Variants in RTN1 observed in about 807,000 individuals in gnomAD.
The protein encoded by RTN1 is reticulon-1.
A neutral mutation model predicts 65.5 loss-of-function variants in RTN1; 25 were observed. That is an observed-to-expected ratio of 0.38 (90% CI 0.28 to 0.53). The LOEUF is 0.53. Ranked by LOEUF, RTN1 falls within the 20% of genes least tolerant of loss-of-function variation. RTN1 has a pLI of 0.79. For synonymous variants in RTN1, 471 were observed against 447.6 expected, an observed-to-expected ratio of 1.05 and a Z score of -0.66; for missense variants, 983 against 1,025.4, an observed-to-expected ratio of 0.96 and a Z score of 0.57.
At chr14:59,830,338 C>T (rs1055706912) in intron 1 of RTN1, among the ~76,000 whole-genome samples, 2 of 152,224 alleles carry the variant, frequency 1.3e-5, no homozygotes, top group African/African-American at 4.8e-5. Flanking sequence ...CAGCAAGCCA[C>T]AGTTAAACCA....
chr14:59,625,746 C>A (rs1882379184), intron 3 of RTN1, among the ~76,000 whole-genome samples: 1 of 152,072 alleles, frequency 6.6e-6, no homozygotes, highest in Non-Finnish European at 1.5e-5. Flanking sequence ...GTGCCTTCCT[C>A]ATTTTTAGAA....
intron 1 of RTN1, among the ~76,000 whole-genome samples, chr14:59,770,686 A>G (rs1885939204): frequency 6.6e-6 from 1 of 152,228 alleles, no homozygotes; most frequent in African/African-American, 2.4e-5. Flanking sequence ...GTATTCAAAA[A>G]TGAAAATAAA....
chr14:59,740,878 A>G (rs1368619271), intron 2 of RTN1, among the ~76,000 whole-genome samples: 1 of 152,226 alleles, frequency 6.6e-6, no homozygotes, highest in East Asian at 1.9e-4. Context: ...TGACACTGCA[A>G]AGCTAGAAAG....
At chr14:59,667,638 G>A (rs966510045) in intron 3 of RTN1, among the ~76,000 whole-genome samples, 1 of 152,072 alleles carries the variant, frequency 6.6e-6, no homozygotes, top group Non-Finnish European at 1.5e-5. Flanking sequence ...ATAAATAAAC[G>A]GTATTCAATT....
rs1020564457 is a variant in RTN1, at chr14:59,746,329, C to T, written c.394G>A (p.Gly132Ser). Residue 132 changes from glycine to serine, a missense_variant, in exon 2 of 9, where the codon GGC becomes AGC. By Grantham distance (56) the Gly-to-Ser change is moderately conservative. Transcript: ENST00000267484. The stretch of plus-strand genomic sequence containing the variant: ...GGGCTCTCTGAAATGGTGACGTGGC[C>T]ATTTTCCTTCTGAAGAATTCCAGTA... ...YFTGILQKEN[G>S]HVTISESPEE... is the part of the protein sequence containing the mutation. The T allele has an allele frequency of 6.2e-7, 1 of 1,614,168 alleles. No individual in the cohort carries two copies. Among genetic ancestry groups the T allele is most frequent in the East Asian group, 2.2e-5 (1 of 44,888 alleles).
At chr14:59,705,232 T>C (rs1452475660) in intron 3 of RTN1, among the ~76,000 whole-genome samples, 1 of 152,180 alleles carries the variant, frequency 6.6e-6, no homozygotes, top group East Asian at 1.9e-4. Context: ...GTTCATATAG[T>C]TATCTGTCCC....
chr14:59,862,221 C>T (rs549946952), intron 1 of RTN1, among the ~76,000 whole-genome samples: 17 of 152,284 alleles, frequency 1.1e-4, no homozygotes, highest in African/African-American at 3.4e-4. Flanking sequence ...CTTCCTTCCC[C>T]CTAAAAGCCC....
chr14:59,709,646 G>A (rs973246044), intron 3 of RTN1, among the ~76,000 whole-genome samples: 8 of 152,166 alleles, frequency 5.3e-5, no homozygotes, highest in East Asian at 1.9e-4. Flanking sequence ...GTGCCAGTCC[G>A]CCTGCCTATG....
intron 3 of RTN1, among the ~76,000 whole-genome samples, chr14:59,696,882 C>A (rs1403212660): frequency 2.0e-5 from 3 of 152,028 alleles, no homozygotes; most frequent in Non-Finnish European, 4.4e-5. Flanking sequence ...CCTAACTGCT[C>A]TCATAGGGGG....
At chr14:59,789,531 A>G (rs1886310580) in intron 1 of RTN1, among the ~76,000 whole-genome samples, 2 of 152,170 alleles carry the variant, frequency 1.3e-5, no homozygotes, top group Non-Finnish European at 2.9e-5. Flanking sequence ...TATGCAAATG[A>G]GCTTGAAAGC....
chr14:59,802,378 C>T (rs1243113715), intron 1 of RTN1, among the ~76,000 whole-genome samples: 1 of 152,112 alleles, frequency 6.6e-6, no homozygotes, highest in African/African-American at 2.4e-5. Flanking sequence ...AAATACATGG[C>T]ACTAGGCTAC....
At chr14:59,643,033 C>A (rs1882812287) in intron 3 of RTN1, among the ~76,000 whole-genome samples, 1 of 152,116 alleles carries the variant, frequency 6.6e-6, no homozygotes, top group Non-Finnish European at 1.5e-5. Context: ...CTAGGCCTAC[C>A]TCTGGTTTCA....
At chr14:59,748,798 G>T (rs1380978564) in intron 1 of RTN1, among the ~76,000 whole-genome samples, 1 of 151,802 alleles carries the variant, frequency 6.6e-6, no homozygotes, top group African/African-American at 2.4e-5. Flanking sequence ...TGATATTTTT[G>T]TGGGGGCGGA....
chr14:59,793,925 T>C (rs1211686968), intron 1 of RTN1, among the ~76,000 whole-genome samples: 1 of 152,126 alleles, frequency 6.6e-6, no homozygotes, highest in Non-Finnish European at 1.5e-5. Context: ...ACTACACTCC[T>C]GTAACACATA....
At chr14:59,632,690 G>T (rs1234008841) in intron 3 of RTN1, among the ~76,000 whole-genome samples, 1 of 152,220 alleles carries the variant, frequency 6.6e-6, no homozygotes, top group Non-Finnish European at 1.5e-5. Context: ...TGTATAGTGT[G>T]TATGGTGAAT....
chr14:59,700,252 G>A (rs992967343), intron 3 of RTN1, among the ~76,000 whole-genome samples: 4 of 152,046 alleles, frequency 2.6e-5, no homozygotes, highest in Admixed American at 2.0e-4. Context: ...TAAATGAAAA[G>A]ATTTCTTATG....
chr14:59,692,593 T>C lies in RTN1; in HGVS notation c.1765+34326A>G, dbSNP rs1257017088. ...AATTCATATGGAACCAAAAAGAGCC[T>C]GAAGAGCCAATGCAATCCTAAGCAA... On this transcript the variant is annotated intron_variant, in intron 3 of 8. Coordinates refer to ENST00000267484, the MANE Select transcript of RTN1 (RefSeq NM_021136.3). Among the ~76,000 whole-genome samples, 5 of 152,048 alleles carry C rather than the reference T, an allele frequency of 3.3e-5. 1 individual carries two copies. Among genetic ancestry groups the C allele is most frequent in the Admixed American group, 3.3e-4 (5 of 15,252 alleles).
intron 3 of RTN1, among the ~76,000 whole-genome samples, chr14:59,632,063 C>G (rs1337400619): frequency 2.0e-5 from 3 of 152,148 alleles, no homozygotes; most frequent in East Asian, 3.8e-4. Flanking sequence ...GAAGCATATA[C>G]ACTTTAAAAT....
intron 3 of RTN1, among the ~76,000 whole-genome samples, chr14:59,632,940 C>CA (rs796788061): frequency 5.3e-5 from 8 of 150,482 alleles, no homozygotes; most frequent in African/African-American, 1.7e-4. Context: ...AAAAAAAATA[C>CA]AAAAAAAAAA....
Sources: gnomAD v4.1 joint callset for allele counts (sites outside exome capture counted in the v4.1 genomes callset) on GRCh38, gnomAD v4.1.1 for gene constraint, MANE v1.5 for transcripts, NCBI Gene and HGNC (gene_info 2026-07-23, HGNC 2026-07-21) for gene names.